The following OTOG variants were observed in gnomAD, a reference collection of about 807,000 sequenced individuals.
OTOG encodes otogelin.
OTOG carries 296 observed loss-of-function variants against 313.8 expected under a neutral mutation model. That is an observed-to-expected ratio of 0.94 (90% confidence interval 0.86 to 1.04). OTOG has a LOEUF of 1.04. Among genes scored for constraint, OTOG ranks in the 50% least tolerant of loss-of-function variants. OTOG has a pLI of 0.00. For missense variants in OTOG, 3,948 were observed against 3,840.1 expected (o/e 1.03, Z -0.74); for synonymous variants, 1,533 against 1,554.9 (o/e 0.99, Z 0.33).
chr11:17,601,481 G>C (rs1318493198), intron 31 of OTOG, among the ~76,000 whole-genome samples: 3 of 151,938 alleles, frequency 2.0e-5, no homozygotes, highest in Non-Finnish European at 2.9e-5. Context: ...GCCAGGGCGT[G>C]GGGGGAGTGG....
At chr11:17,603,973 A>G (rs541047750) in intron 32 of OTOG, among the ~76,000 whole-genome samples, 35 of 152,214 alleles carry the variant, frequency 2.3e-4, no homozygotes, top group Non-Finnish European at 4.6e-4. Context: ...TAAGCGCTTC[A>G]TGTATAGCAA....
Position 17,634,851 on chromosome 11 carries a change from C to G in OTOG, c.7488C>G (p.Asn2496Lys), listed in dbSNP as rs762129339. ...PCCLGTVCVC[N>K]QTLCEGLAPT... ...TGTGGTCCCCGGGGCCAGTGTGTAA[C>G]CAGACTCTGTGTGAGGGTCTCGCCC... Residue 2496 changes from asparagine to lysine, a missense_variant, in exon 45 of 56, where the codon AAC (asparagine) becomes AAG (lysine). By Grantham distance (94) the Asn-to-Lys change is moderately conservative. Transcript: ENST00000399397. 6.5e-7 allele frequency: 1 copy of G among 1,549,518 alleles called. No individual in the cohort carries two copies. The highest frequency in any genetic ancestry group is 8.7e-7 in the Non-Finnish European group (1 of 1,146,754).
At chr11:17,547,631 C>G in intron 1 of OTOG, 165 bp downstream of exon 1, 1 of 1,222,010 alleles carries the variant, frequency 8.2e-7, no homozygotes, top group Non-Finnish European at 1.0e-6. Flanking sequence ...GACCCCGAAG[C>G]CAACAGAGGC....
chr11:17,559,459 C>T (rs1324283846), intron 11 of OTOG, 75 bp from the exon 12 acceptor site: 22 of 1,531,638 alleles, frequency 1.4e-5, no homozygotes, highest in Admixed American at 7.9e-5. Context: ...CCTCACTCCA[C>T]GGCCTGGGGT....
In OTOG at chr11:17,561,091, C is replaced by A; in HGVS notation, c.1452C>A (p.Cys484Ter). The change falls in exon 14 of 56, where the codon TGC (cysteine) becomes TGA (stop). Residue 484 changes from cysteine (C) to a stop codon, truncating the protein, a stop_gained and splice_region_variant. Coordinates refer to ENST00000399397, the MANE Select transcript of OTOG (RefSeq NM_001292063.2). LOFTEE classifies it high-confidence loss of function. ...GSVVKEDCNT[C>*]TCTSGKWECS... ...TGCCTCCTTGGTCTCTGTGTTTTAG[C>A]ACATGCACCTCAGGCAAGTGGGAGT... 6.4e-7 allele frequency: 1 copy of A among 1,550,594 alleles called. No homozygotes were observed. The highest frequency in any genetic ancestry group is 8.7e-7 in the Non-Finnish European group (1 of 1,146,968).
intron 6 of OTOG, 120 bp downstream of exon 6, chr11:17,553,639 C>T: frequency 1.1e-6 from 1 of 952,028 alleles, no homozygotes. Context: ...GCATCGCCCC[C>T]CAGCTCCCAC....
chr11:17,620,251 C>G (rs866261991), intron 39 of OTOG, among the ~76,000 whole-genome samples: 1 of 152,204 alleles, frequency 6.6e-6, no homozygotes, highest in African/African-American at 2.4e-5. Flanking sequence ...TCATAGTCAC[C>G]TCTCCCCACA....
At chr11:17,550,663 T>G (rs900508030) in intron 3 of OTOG, among the ~76,000 whole-genome samples, 2 of 152,184 alleles carry the variant, frequency 1.3e-5, no homozygotes, top group African/African-American at 4.8e-5. Context: ...TACAGCTCTC[T>G]GGTGGCTAAA....
chr11:17,551,457 A>G (rs1414998392), intron 3 of OTOG, among the ~76,000 whole-genome samples: 1 of 151,790 alleles, frequency 6.6e-6, no homozygotes. Flanking sequence ...CCTGACTGGG[A>G]GCTGAGTTGT....
chr11:17,550,321 T>G (rs1038018279), intron 3 of OTOG, among the ~76,000 whole-genome samples: 1 of 152,222 alleles, frequency 6.6e-6, no homozygotes, highest in African/African-American at 2.4e-5. Context: ...AAATTACACA[T>G]TTTTATAAAA....
In OTOG at chr11:17,596,854, G is replaced by T; in HGVS notation, c.3529G>T (p.Asp1177Tyr). Residue 1177 changes from aspartate to tyrosine, a missense_variant, in exon 30 of 56, where the codon GAT (aspartate) becomes TAT (tyrosine). Coordinates refer to ENST00000399397, the MANE Select transcript of OTOG (RefSeq NM_001292063.2). ...TCTAACTTCTGACCTTCTCCAGGTTGATGTCACTTGGTTTTACTCAAACTG... is the reference window on the plus strand; with the variant it reads ...TCTAACTTCTGACCTTCTCCAGGTTTATGTCACTTGGTTTTACTCAAACTG... Reference protein sequence around the residue: ...EVFEICHPVVDVTWFYSNCLT... With the variant: ...EVFEICHPVVYVTWFYSNCLT... 1 of 1,551,086 alleles carries T rather than the reference G, an allele frequency of 6.4e-7. No homozygotes were observed. The highest frequency in any genetic ancestry group is 8.7e-7 in the Non-Finnish European group (1 of 1,147,052).
intron 27 of OTOG, 45 bp from the exon 28 acceptor site, chr11:17,594,002 C>T (rs1009846337): frequency 1.3e-6 from 2 of 1,550,094 alleles, no homozygotes; most frequent in Non-Finnish European, 1.7e-6. Flanking sequence ...CGTGGCTCAC[C>T]TCTGGCAGGC....
chr11:17,582,091 T>G (rs1852681759), intron 23 of OTOG, among the ~76,000 whole-genome samples: 1 of 152,192 alleles, frequency 6.6e-6, no homozygotes, highest in Admixed American at 6.5e-5. Flanking sequence ...AAAATGTACC[T>G]ACTTTTAGTG....
At chr11:17,601,328 G>A (rs1853244227) in intron 31 of OTOG, among the ~76,000 whole-genome samples, 1 of 152,126 alleles carries the variant, frequency 6.6e-6, no homozygotes, top group Non-Finnish European at 1.5e-5. Flanking sequence ...TTTGAGCTGG[G>A]CCCCAGAGGT....
At chr11:17,644,522 G>T (rs1293234227) in intron 54 of OTOG, among the ~76,000 whole-genome samples, 1 of 152,238 alleles carries the variant, frequency 6.6e-6, no homozygotes, top group Non-Finnish European at 1.5e-5. Flanking sequence ...GCACTGTAGA[G>T]CCTTGTGGAG....
chr11:17,626,354 T>C (rs1317677721), intron 39 of OTOG, among the ~76,000 whole-genome samples: 3 of 152,152 alleles, frequency 2.0e-5, no homozygotes, highest in African/African-American at 7.2e-5. Context: ...TTTTGTGTTT[T>C]CAGAAGAGAC....
intron 10 of OTOG, 23 bp downstream of exon 10, chr11:17,558,667 A>C (rs1177920179): frequency 1.9e-6 from 3 of 1,543,858 alleles, no homozygotes; most frequent in South Asian, 1.2e-5. Flanking sequence ...GGTGTGGGCT[A>C]TGGGGAACCC....
intron 23 of OTOG, among the ~76,000 whole-genome samples, chr11:17,582,976 T>C (rs189712770): frequency 3.3e-5 from 5 of 152,168 alleles, no homozygotes; most frequent in African/African-American, 1.2e-4. Flanking sequence ...ATTTTGATAA[T>C]GTCTAATTTT....
chr11:17,606,000 C>G lies in OTOG; in HGVS notation c.4021C>G (p.Arg1341Gly). 1 of 1,550,602 alleles carries G rather than the reference C, an allele frequency of 6.4e-7. No individual in the cohort carries two copies. The highest frequency in any genetic ancestry group is 1.4e-5 in the African/African-American group (1 of 73,176). Reference sequence around the variant, plus strand: ...CTCCTTCTTGCTGCACCGGGGGACACGGCAGGCAGGCCTGGTGGCCCTGGA... The same window carrying G: ...CTCCTTCTTGCTGCACCGGGGGACAGGGCAGGCAGGCCTGGTGGCCCTGGA... ...HASFLLHRGTRQAGLVALESL... is the reference protein window; with the variant it reads ...HASFLLHRGTGQAGLVALESL... The change falls in exon 33 of 56, where the codon CGG becomes GGG. Residue 1341 changes from arginine (R) to glycine (G), a missense_variant. By Grantham distance (125) the Arg-to-Gly change is moderately radical. Transcript: ENST00000399397.
Sources: allele counts gnomAD v4.1 joint callset (sites outside exome capture counted in the v4.1 genomes callset), GRCh38; gene constraint gnomAD v4.1.1; transcripts MANE v1.5; gene names NCBI Gene and HGNC (gene_info 2026-07-23, HGNC 2026-07-21).